Variants in RHOQ observed in about 807,000 individuals in gnomAD.
The protein encoded by RHOQ is rho-related GTP-binding protein RhoQ.
RHOQ carries 7 observed loss-of-function variants against 25.8 expected under a neutral mutation model. The observed-to-expected ratio is 0.27, with a 90% CI of 0.15 to 0.51. The LOEUF (loss-of-function observed/expected upper bound fraction) is 0.51. Among genes scored for constraint, RHOQ ranks in the 20% least tolerant of loss-of-function variants. RHOQ has a pLI of 0.97. For synonymous variants in RHOQ, 97 were observed against 98.6 expected (o/e 0.98, Z 0.10); for missense variants, 165 against 260.6 (o/e 0.63, Z 2.53).
Position 46,576,505 on chromosome 2 carries a change from G to T in RHOQ, c.367-56G>T. On this transcript the variant is annotated intron_variant, in intron 3 of 4. Transcript: ENST00000238738. This position sits in a 1 kb window ranked among gnomAD's most constrained non-coding sequence, Gnocchi z 5.1. Reference sequence around the variant, plus strand: ...GGAATTAAGTGGGATTACATGCTTTGATTTTTCTTTAAAGATTTGTAATAT... The same window carrying T: ...GGAATTAAGTGGGATTACATGCTTTTATTTTTCTTTAAAGATTTGTAATAT... The T allele has an allele frequency of 8.7e-7, 1 of 1,145,330 alleles. No individual in the cohort carries two copies. The highest frequency in any genetic ancestry group is 1.4e-5 in the South Asian group (1 of 69,944). The allele number at this position is 1,145,330 out of a possible 1,614,324, so 70.9% of individuals were successfully genotyped here. A position where few individuals can be genotyped will look rare whatever the true frequency, so the allele number is the denominator to read the frequency against.
At position 46,564,047 on chromosome 2, in the gene RHOQ, A is replaced by G. The variant is rs182869358; in HGVS notation, c.202-12040A>G. On this transcript the variant is annotated intron_variant, in intron 2 of 4. Transcript: ENST00000238738. ...AGGCTGGATGCAGTAGCTCATGCCT[A>G]TAATCCTAGCACTTTGGGAGGCCAA... 4.1e-3 allele frequency among the ~76,000 whole-genome samples: 627 copies of G among 152,198 alleles called. 5 individuals are homozygous for G. The highest frequency in any genetic ancestry group is 0.014 in the African/African-American group (602 of 41,542).
In RHOQ at chr2:46,576,384, T is replaced by C; in HGVS notation, c.366+133T>C. ...ATCTCAGCTGCAAGTTAATGAGTTCTATCATATTTTTGGAAAAAATTGTGC... is the reference window on the plus strand; with the variant it reads ...ATCTCAGCTGCAAGTTAATGAGTTCCATCATATTTTTGGAAAAAATTGTGC... On this transcript the variant is annotated intron_variant, in intron 3 of 4. Coordinates refer to ENST00000238738, the MANE Select transcript of RHOQ (RefSeq NM_012249.4). The surrounding 1 kb of genome is among the most constrained non-coding windows in gnomAD (Gnocchi z 5.1). 1 of 964,168 alleles carries C rather than the reference T, an allele frequency of 1.0e-6. No individual in the cohort carries two copies. The highest frequency in any genetic ancestry group is 1.7e-5 in the South Asian group (1 of 57,692). 59.7% of individuals were successfully genotyped at this position (964,168 alleles called of 1,614,324 possible).
chr2:46,581,484 G>T lies in RHOQ; in HGVS notation c.*401G>T, dbSNP rs746839063. ...ATATCTCCCTTTGCTCCAGTTAATT[G>T]TTCTTGTATGTAAGTTGCTTTCTAT... is the stretch of plus-strand genomic sequence containing the variant. On this transcript the variant is annotated 3_prime_UTR_variant, in exon 5 of 5. Transcript: ENST00000238738. 6.2e-7 allele frequency: 1 copy of T among 1,610,810 alleles called. No homozygotes were observed. The highest frequency in any genetic ancestry group is 1.1e-5 in the South Asian group (1 of 90,844).
intron 2 of RHOQ, among the ~76,000 whole-genome samples, chr2:46,546,466 A>ATCCG (rs1668052038): frequency 1.7e-4 from 1 of 5,722 alleles, no homozygotes; most frequent in Non-Finnish European, 4.0e-4. Context: ...ATATATATAT[A>ATCCG]TATATATGTG....
intron 1 of RHOQ, chr2:46,543,427 C>A (rs917397072): frequency 1.7e-6 from 1 of 602,676 alleles, no homozygotes; most frequent in Admixed American, 3.0e-5. Flanking sequence ...CTTCCTACCC[C>A]TCGGCGCCCT....
At chr2:46,578,068 A>T (rs74374580) in intron 4 of RHOQ, among the ~76,000 whole-genome samples, 10,133 of 152,242 alleles carry the variant, frequency 0.067, 472 homozygotes, top group African/African-American at 0.14. Context: ...AGCCACAGAT[A>T]CCAATAGAAA....
chr2:46,547,211 A>G (rs1180605749), intron 2 of RHOQ, among the ~76,000 whole-genome samples: 4 of 152,154 alleles, frequency 2.6e-5, no homozygotes, highest in Non-Finnish European at 5.9e-5. Flanking sequence ...GCATGTGGGC[A>G]CTCATTGTAT....
At chr2:46,544,442 C>A (rs190636516) in intron 2 of RHOQ, among the ~76,000 whole-genome samples, 7 of 152,180 alleles carry the variant, frequency 4.6e-5, no homozygotes, top group African/African-American at 1.7e-4. Flanking sequence ...GGAGGGGTTC[C>A]CCCCGGCCCT....
chr2:46,546,509 TATGTATATAC>T lies in RHOQ; in HGVS notation c.201+2700_201+2709del, dbSNP rs1196342626. ...ATATATATATATATATATATATATA[TATGTATATAC>T]ATATATATATATACACAAATCCTTA... On this transcript the variant is annotated intron_variant, in intron 2 of 4. Transcript: ENST00000238738. 9.3e-3 allele frequency among the ~76,000 whole-genome samples: 209 copies of T among 22,570 alleles called. 22 individuals carry two copies. Among genetic ancestry groups the T allele is most frequent in the African/African-American group, 0.028 (153 of 5,536 alleles). The allele number at this position is 22,570 out of a possible 152,430, so 14.8% of individuals were successfully genotyped here.
chr2:46,574,908 T>C (rs532754809), intron 2 of RHOQ, among the ~76,000 whole-genome samples: 15 of 152,272 alleles, frequency 9.9e-5, no homozygotes, highest in African/African-American at 1.7e-4. Flanking sequence ...AGTTCTGTAG[T>C]GAAACGAGTC....
At chr2:46,572,168 T>C (rs2104021650) in intron 2 of RHOQ, among the ~76,000 whole-genome samples, 1 of 142,702 alleles carries the variant, frequency 7.0e-6, no homozygotes, top group East Asian at 2.0e-4. Context: ...CCAGGCATGT[T>C]CATGGCTCAC....
rs542799722 is a variant in RHOQ, at chr2:46,556,006, A to G, written c.201+12194A>G. 6.6e-6 allele frequency among the ~76,000 whole-genome samples: 1 copy of G among 152,120 alleles called. No homozygotes were observed. The highest frequency in any genetic ancestry group is 2.4e-5 in the African/African-American group (1 of 41,424). On this transcript the variant is annotated intron_variant, in intron 2 of 4. Transcript: ENST00000238738. The surrounding 1 kb of genome is among the most constrained non-coding windows in gnomAD (Gnocchi z 4.9). Reference sequence around the variant, plus strand: ...TTTTATTTTTTGAGGCATAATTCAGAGAACACTTTCATCACCCCAGAACGA... The same window carrying G: ...TTTTATTTTTTGAGGCATAATTCAGGGAACACTTTCATCACCCCAGAACGA...
At chr2:46,550,585 AGT>A (rs1288133822) in intron 2 of RHOQ, among the ~76,000 whole-genome samples, 5 of 152,170 alleles carry the variant, frequency 3.3e-5, no homozygotes, top group Non-Finnish European at 7.4e-5. Flanking sequence ...CAGTGGAAAG[AGT>A]GTGGGTTTTG....
At chr2:46,571,974 G>A (rs767640819) in intron 2 of RHOQ, among the ~76,000 whole-genome samples, 8 of 152,110 alleles carry the variant, frequency 5.3e-5, no homozygotes, top group Non-Finnish European at 8.8e-5. Context: ...TGGCTGAGCT[G>A]CACACAGAAA....
rs1379773390 is a variant in RHOQ at position 46,584,190 on chromosome 2, A to G, written c.*3107A>G. Among the ~76,000 whole-genome samples, 1 of 152,206 alleles carries G rather than the reference A, an allele frequency of 6.6e-6. No homozygotes were observed. The highest frequency in any genetic ancestry group is 1.5e-5 in the Non-Finnish European group (1 of 68,026). ...CTTTAACAGTGTCCCTTCTTAACAC[A>G]TGGGGTTACAAATAAAATACTATGC... On this transcript the variant is annotated 3_prime_UTR_variant, in exon 5 of 5. Transcript: ENST00000238738.
chr2:46,575,991 C>T (rs1431751277), intron 2 of RHOQ, 96 bp from the exon 3 acceptor site: 2 of 1,015,360 alleles, frequency 2.0e-6, no homozygotes, highest in African/African-American at 1.7e-5. Context: ...GTGGAGTACT[C>T]CTGAATTTGC....
intron 2 of RHOQ, among the ~76,000 whole-genome samples, chr2:46,558,107 T>G (rs1668460682): frequency 6.6e-6 from 1 of 152,228 alleles, no homozygotes; most frequent in Non-Finnish European, 1.5e-5. Flanking sequence ...GCAAGTCATA[T>G]CAAGTATTCT....
chr2:46,555,341 C>T lies in RHOQ; in HGVS notation c.201+11529C>T, dbSNP rs986924389. ...TGCAGATTGTAAACTCTTCCCCTTGCCGTCCCTGCAGGACTGCACGTAGCA... is the reference window on the plus strand; with the variant it reads ...TGCAGATTGTAAACTCTTCCCCTTGTCGTCCCTGCAGGACTGCACGTAGCA... On this transcript the variant is annotated intron_variant, in intron 2 of 4. Transcript: ENST00000238738. The surrounding 1 kb of genome is among the most constrained non-coding windows in gnomAD (Gnocchi z 4.3). 1.3e-5 allele frequency among the ~76,000 whole-genome samples: 2 copies of T among 152,246 alleles called. No individual in the cohort carries two copies. Among genetic ancestry groups the T allele is most frequent in the Non-Finnish European group, 2.9e-5 (2 of 68,050 alleles).
Position 46,581,487 on chromosome 2 carries a change from C to G in RHOQ, c.*404C>G. 1.9e-6 allele frequency: 3 copies of G among 1,610,880 alleles called. No individual in the cohort carries two copies. Among genetic ancestry groups the G allele is most frequent in the Non-Finnish European group, 2.5e-6 (3 of 1,179,256 alleles). The stretch of plus-strand genomic sequence containing the variant: ...TCTCCCTTTGCTCCAGTTAATTGTT[C>G]TTGTATGTAAGTTGCTTTCTATTCC... On this transcript the variant is annotated 3_prime_UTR_variant, in exon 5 of 5. Coordinates refer to ENST00000238738, the MANE Select transcript of RHOQ (RefSeq NM_012249.4).
Sources: gnomAD v4.1 joint callset for allele counts (sites outside exome capture counted in the v4.1 genomes callset) on GRCh38, gnomAD v4.1.1 for gene constraint, Gnocchi (gnomAD v3.1) non-coding constraint, MANE v1.5 for transcripts, NCBI Gene and HGNC (gene_info 2026-07-23, HGNC 2026-07-21) for gene names.